The following DCDC2C variants were observed in gnomAD, a reference collection of about 807,000 sequenced individuals.
The protein encoded by DCDC2C is doublecortin domain-containing protein 2C.
DCDC2C carries 44 observed loss-of-function variants against 45.0 expected under a neutral mutation model. The ratio of observed to expected loss-of-function variants is 0.98; its 90% CI spans 0.77 to 1.26. The LOEUF (loss-of-function observed/expected upper bound fraction) is 1.26, where lower values mean the gene tolerates loss of function less well. DCDC2C is among the 50% of genes most tolerant of loss of function. The pLI, the probability that DCDC2C is intolerant of heterozygous loss-of-function variation, is 0.00. For synonymous variants in DCDC2C, 187 were observed against 178.8 expected (o/e 1.05, Z -0.37); for missense variants, 447 against 468.9 (o/e 0.95, Z 0.43).
intron 6 of DCDC2C, among the ~76,000 whole-genome samples, chr2:3,764,087 C>G (rs929982783): frequency 6.6e-6 from 1 of 152,198 alleles, no homozygotes; most frequent in Admixed American, 6.5e-5. Flanking sequence ...GAGGAGGCAT[C>G]GACTTCATCA....
chr2:3,800,033 A>G (rs922981442), intron 10 of DCDC2C, among the ~76,000 whole-genome samples: 2 of 152,140 alleles, frequency 1.3e-5, no homozygotes, highest in African/African-American at 4.8e-5. Flanking sequence ...CCGTGGGTGT[A>G]GGACCCTCCG....
chr2:3,717,354 G>T (rs1161050676), intron 2 of DCDC2C, among the ~76,000 whole-genome samples: 1 of 152,138 alleles, frequency 6.6e-6, no homozygotes. Context: ...TTGTTATTTT[G>T]TGTTTCCTAT....
intron 10 of DCDC2C, among the ~76,000 whole-genome samples, chr2:3,814,519 C>T (rs1671506455): frequency 6.6e-6 from 1 of 152,210 alleles, no homozygotes; most frequent in Non-Finnish European, 1.5e-5. Flanking sequence ...TCTGTCAATT[C>T]GTCCATCTGA....
intron 10 of DCDC2C, among the ~76,000 whole-genome samples, chr2:3,787,598 T>G (rs1374640800): frequency 6.6e-6 from 1 of 152,244 alleles, no homozygotes; most frequent in African/African-American, 2.4e-5. Context: ...AAATGAAATT[T>G]TCTCCTTTGA....
At chr2:3,781,993 C>T (rs767461865) in intron 9 of DCDC2C, among the ~76,000 whole-genome samples, 12 of 152,174 alleles carry the variant, frequency 7.9e-5, no homozygotes, top group Admixed American at 5.9e-4. Context: ...GCCATTTAAC[C>T]ATTTTCAACG....
chr2:3,730,335 C>T lies in DCDC2C; in HGVS notation c.416+3256C>T, dbSNP rs76452410. On this transcript the variant is annotated intron_variant, in intron 3 of 10. Transcript: ENST00000399143. Reference sequence around the variant, plus strand: ...CCCTTAAGGAGCTCCCTAAACCATCCAGTAAGTGGAGGAAATTATTTAAAG... The same window carrying T: ...CCCTTAAGGAGCTCCCTAAACCATCTAGTAAGTGGAGGAAATTATTTAAAG... Among the ~76,000 whole-genome samples, 678 of 152,142 alleles carry T rather than the reference C, an allele frequency of 4.5e-3. 19 individuals carry two copies. In the East Asian group the frequency reaches 0.089, roughly 20 times the overall value.
At chr2:3,795,766 T>C (rs200945394) in intron 10 of DCDC2C, among the ~76,000 whole-genome samples, 29 of 124,898 alleles carry the variant, frequency 2.3e-4, no homozygotes, top group East Asian at 1.4e-3. Context: ...TTTTGGTTAC[T>C]GTAGCCTTGT....
In DCDC2C at chr2:3,711,419, A is replaced by T. The variant is rs574339875; in HGVS notation, c.339+2819A>T. Among the ~76,000 whole-genome samples the T allele has an allele frequency of 2.0e-4, 29 of 148,304 alleles. No homozygotes were observed. The East Asian group carries it at 3.1e-3, about 16-fold the overall frequency. On this transcript the variant is annotated intron_variant, in intron 2 of 10. Coordinates refer to ENST00000399143, the MANE Select transcript of DCDC2C (RefSeq NM_001287444.2). ...ATGCCCATCAATGACAGACTGGATT[A>T]AAAAAAAAGTGGTACATTTACACCA...
At chr2:3,844,790 G>C (rs1210949540) in intron 10 of DCDC2C, 2 of 152,172 alleles carry the variant, frequency 1.3e-5, no homozygotes, top group African/African-American at 4.8e-5. Context: ...AGGGTTGTTA[G>C]CGAGACTGGG....
intron 10 of DCDC2C, among the ~76,000 whole-genome samples, chr2:3,845,543 TTTG>T (rs1392641273): frequency 6.6e-6 from 1 of 152,224 alleles, no homozygotes; most frequent in East Asian, 1.9e-4. Flanking sequence ...GGCTTCTTGA[TTTG>T]TTGTTAGACT....
rs555293681 is a variant in DCDC2C at position 3,752,672 on chromosome 2, C to G, written c.546-91C>G. The stretch of plus-strand genomic sequence containing the variant: ...CACTGTTTCTCCAGCGGTCCATGCA[C>G]TAGTCATGTCATAGTGTATGCACAA... On this transcript the variant is annotated intron_variant, in intron 4 of 10. Coordinates refer to ENST00000399143, the MANE Select transcript of DCDC2C (RefSeq NM_001287444.2). The G allele has an allele frequency of 2.2e-5, 31 of 1,439,796 alleles. No homozygotes were observed. The African/African-American group carries it at 4.1e-4, about 19-fold the overall frequency. 89.2% of individuals were successfully genotyped at this position (1,439,796 alleles called of 1,614,324 possible).
intron 10 of DCDC2C, among the ~76,000 whole-genome samples, chr2:3,838,862 T>C (rs1050571421): frequency 9.2e-5 from 14 of 152,230 alleles, no homozygotes; most frequent in Admixed American, 2.0e-4. Flanking sequence ...AGAACTAAGT[T>C]CTTATTCCCT....
intron 10 of DCDC2C, among the ~76,000 whole-genome samples, chr2:3,831,890 A>G (rs1671959700): frequency 6.6e-6 from 1 of 152,228 alleles, no homozygotes; most frequent in Non-Finnish European, 1.5e-5. Flanking sequence ...AAAGGCTGAA[A>G]ATGAAAACCA....
intron 10 of DCDC2C, among the ~76,000 whole-genome samples, chr2:3,790,039 A>C (rs1229190650): frequency 6.6e-6 from 1 of 152,198 alleles, no homozygotes; most frequent in African/African-American, 2.4e-5. Context: ...ACTGTACCTC[A>C]AATCATAGTG....
At position 3,790,634 on chromosome 2, in the gene DCDC2C, A is replaced by G. The variant is rs114324737; in HGVS notation, c.1065+5534A>G. Reference sequence around the variant, plus strand: ...AATTAATCGCCTGCCCAGTATCTTTACTGTTTTTTCTCTTTATTATGTTGA... The same window carrying G: ...AATTAATCGCCTGCCCAGTATCTTTGCTGTTTTTTCTCTTTATTATGTTGA... On this transcript the variant is annotated intron_variant, in intron 10 of 10. Transcript: ENST00000399143. Among the ~76,000 whole-genome samples the G allele has an allele frequency of 7.7e-3, 1,174 of 152,268 alleles. 14 individuals carry two copies. The highest frequency in any genetic ancestry group is 0.027 in the African/African-American group (1,128 of 41,540).
chr2:3,820,494 GTGGGTGAA>G (rs1671661358), intron 10 of DCDC2C, among the ~76,000 whole-genome samples: 1 of 152,168 alleles, frequency 6.6e-6, no homozygotes, highest in African/African-American at 2.4e-5. Flanking sequence ...CCAAGGGAAT[GTGGGTGAA>G]TGACCAAGGC....
intron 10 of DCDC2C, among the ~76,000 whole-genome samples, chr2:3,823,431 G>A (rs897883176): frequency 3.9e-5 from 6 of 152,266 alleles, no homozygotes; most frequent in Middle Eastern, 6.8e-3. Context: ...CACTTGAGAA[G>A]AATACACATT....
chr2:3,769,489 AC>A, intron 8 of DCDC2C, 78 bp downstream of exon 8: 3 of 1,279,272 alleles, frequency 2.3e-6, no homozygotes, highest in Non-Finnish European at 2.2e-6. Flanking sequence ...GTCATCCTTC[AC>A]CCTCTCCCTG....
At chr2:3,725,506 C>A (rs62106606) in intron 2 of DCDC2C, among the ~76,000 whole-genome samples, 6 of 86,178 alleles carry the variant, frequency 7.0e-5, no homozygotes, top group Admixed American at 4.0e-4. Context: ...AGGGAGGAGG[C>A]TGCCCGGTGG....
Sources: gnomAD v4.1 joint callset for allele counts (sites outside exome capture counted in the v4.1 genomes callset) on GRCh38, gnomAD v4.1.1 for gene constraint, MANE v1.5 for transcripts, NCBI Gene and HGNC (gene_info 2026-07-23, HGNC 2026-07-21) for gene names.